GPHN: variants seen among roughly 807,000 people sequenced by gnomAD.
GPHN encodes the protein gephyrin.
Under a neutral mutation model 95.5 loss-of-function variants are expected in GPHN, and 17 were observed. The observed-to-expected ratio is 0.18, with a 90% CI of 0.12 to 0.27. The LOEUF is 0.27. GPHN is among the 10% of genes least tolerant of loss of function. The pLI is 1.00. For missense variants in GPHN, 660 were observed against 978.1 expected, an observed-to-expected ratio of 0.67 and a Z score of 4.34; for synonymous variants, 320 against 322.5, an observed-to-expected ratio of 0.99 and a Z score of 0.08.
the GPHN span, among the ~76,000 whole-genome samples, chr14:67,399,428 G>C: frequency 6.7e-6 from 1 of 149,194 alleles, no homozygotes; most frequent in African/African-American, 2.5e-5. Flanking sequence ...ATAAAGAGAA[G>C]GGTAGTTTAG....
chr14:67,089,158 T>C (rs1324446736), intron 12 of GPHN, 83 bp downstream of exon 12: 17 of 474,460 alleles, frequency 3.6e-5, no homozygotes, highest in African/African-American at 1.6e-4. Flanking sequence ...TTTTTTTTTT[T>C]CAAATTTTTG....
At chr14:66,670,139 G>T (rs928324944) in intron 1 of GPHN, among the ~76,000 whole-genome samples, 1 of 152,188 alleles carries the variant, frequency 6.6e-6, no homozygotes, top group African/African-American at 2.4e-5. Context: ...GTTGAGGTGG[G>T]AGTCGGGTTT....
At chr14:67,648,024 T>C in the GPHN span, 1 of 1,576,068 alleles carries the variant, frequency 6.3e-7, no homozygotes, top group Non-Finnish European at 8.6e-7. Flanking sequence ...TTTTAAGTAT[T>C]ATTTTATCCT....
chr14:67,578,672 C>T, the GPHN span: 12 of 1,231,584 alleles, frequency 9.7e-6, no homozygotes, highest in Admixed American at 2.0e-5. The surrounding 1 kb of genome is among the most constrained non-coding windows in gnomAD (Gnocchi z 5.0). Flanking sequence ...TTGAGCACTG[C>T]CAACTGCCGC....
At chr14:66,847,598 A>C (rs528545035) in intron 4 of GPHN, among the ~76,000 whole-genome samples, 1 of 152,038 alleles carries the variant, frequency 6.6e-6, no homozygotes, top group South Asian at 2.1e-4. Flanking sequence ...AATTCTCTAA[A>C]TTAGGCAACT....
At chr14:67,192,027 G>A in the GPHN span, among the ~76,000 whole-genome samples, 1 of 152,156 alleles carries the variant, frequency 6.6e-6, no homozygotes, top group African/African-American at 2.4e-5. Flanking sequence ...AACAGAGACC[G>A]CAAGGGATCA....
the GPHN span, chr14:67,382,537 G>A: frequency 6.2e-7 from 1 of 1,613,936 alleles, no homozygotes; most frequent in Non-Finnish European, 8.5e-7. Context: ...AGCTATGGCT[G>A]TTATCAAAGA....
At chr14:67,569,174 C>T in the GPHN span, 13 of 1,612,782 alleles carry the variant, frequency 8.1e-6, no homozygotes, top group East Asian at 6.7e-5. Context: ...ATCGGGCATG[C>T]GGCTCTCAGA....
chr14:66,708,093 T>G (rs2069262994), intron 2 of GPHN, among the ~76,000 whole-genome samples: 1 of 152,154 alleles, frequency 6.6e-6, no homozygotes, highest in Non-Finnish European at 1.5e-5. Context: ...CACCCAAGTT[T>G]AGATGATTTA....
chr14:67,359,706 A>C, the GPHN span: 1 of 1,613,916 alleles, frequency 6.2e-7, no homozygotes, highest in Non-Finnish European at 8.5e-7. Flanking sequence ...CATTCTGACG[A>C]TAACTTTTCG....
chr14:67,265,301 T>C, the GPHN span, among the ~76,000 whole-genome samples: 1 of 152,192 alleles, frequency 6.6e-6, no homozygotes, highest in Non-Finnish European at 1.5e-5. Context: ...CTCATGCCTG[T>C]AATCTCAGAG....
intron 8 of GPHN, among the ~76,000 whole-genome samples, chr14:66,928,102 G>A (rs2066581044): frequency 1.3e-5 from 2 of 152,146 alleles, no homozygotes. Flanking sequence ...AATAGTTTGA[G>A]TAGGATTGGT....
chr14:66,924,149 G>A lies in GPHN; in HGVS notation c.730-45G>A, dbSNP rs116581680. On this transcript the variant is annotated intron_variant, in intron 7 of 22. Transcript: ENST00000478722. ...AGTCATTTTGCTTGTATAGTTTCAT[G>A]TTTTCCTGTCACTATATTCATAGTT... The A allele has an allele frequency of 2.3e-3, 2,428 of 1,057,762 alleles. 39 individuals are homozygous for A. In the African/African-American group the frequency reaches 0.03, roughly 13 times the overall value. The allele number at this position is 1,057,762 out of a possible 1,614,324, so 65.5% of individuals were successfully genotyped here.
At chr14:67,531,775 G>C in the GPHN span, among the ~76,000 whole-genome samples, 1 of 139,656 alleles carries the variant, frequency 7.2e-6, no homozygotes, top group East Asian at 2.0e-4. Flanking sequence ...GGGTATAGTA[G>C]CATGTGCCTA....
At chr14:67,495,224 G>A in the GPHN span, among the ~76,000 whole-genome samples, 2 of 152,036 alleles carry the variant, frequency 1.3e-5, no homozygotes, top group East Asian at 1.9e-4. Context: ...TGGGGTTTCC[G>A]CCTGCCAAAT....
chr14:67,349,211 A>G, the GPHN span: 1 of 1,074,520 alleles, frequency 9.3e-7, no homozygotes, highest in South Asian at 1.5e-5. Context: ...GAGATGTCAC[A>G]ATTAAGTATG....
At chr14:66,671,758 G>A (rs1328721201) in intron 1 of GPHN, among the ~76,000 whole-genome samples, 3 of 152,022 alleles carry the variant, frequency 2.0e-5, no homozygotes, top group African/African-American at 7.2e-5. Flanking sequence ...TTCATGTCTT[G>A]TTCATAATAT....
At chr14:67,570,812 C>T in the GPHN span, 1 of 152,250 alleles carries the variant, frequency 6.6e-6, no homozygotes, top group African/African-American at 2.4e-5. Flanking sequence ...CAACTTCCAC[C>T]TCCTGGGTTC....
At chr14:66,531,434 T>G (rs2058934715) in intron 1 of GPHN, among the ~76,000 whole-genome samples, 1 of 152,098 alleles carries the variant, frequency 6.6e-6, no homozygotes, top group African/African-American at 2.4e-5. Flanking sequence ...AAACTCCCTC[T>G]CAAAACAAAC....
Sources: gnomAD v4.1 joint callset for allele counts (sites outside exome capture counted in the v4.1 genomes callset) on GRCh38, gnomAD v4.1.1 for gene constraint, Gnocchi (gnomAD v3.1) non-coding constraint, MANE v1.5 for transcripts, NCBI Gene and HGNC (gene_info 2026-07-23, HGNC 2026-07-21) for gene names.